Variants in AFAP1L2 observed in about 807,000 individuals in gnomAD.
AFAP1L2 encodes the protein actin filament associated protein 1 like 2.
AFAP1L2 carries 46 observed loss-of-function variants against 99.3 expected under a neutral mutation model. The observed-to-expected ratio is 0.46, with a 90% CI of 0.37 to 0.59. The LOEUF (loss-of-function observed/expected upper bound fraction) is 0.59, where lower values mean the gene tolerates loss of function less well. Ranked by LOEUF, AFAP1L2 falls within the 20% of genes least tolerant of loss-of-function variation. The probability of loss-of-function intolerance (pLI) is 0.00; values close to 1 mark genes in which losing one functional copy is unlikely to be tolerated. For missense variants in AFAP1L2, 959 were observed against 1,034.9 expected (o/e 0.93, Z 1.01); for synonymous variants, 397 against 419.1 (o/e 0.95, Z 0.64).
intron 7 of AFAP1L2, 97 bp downstream of exon 7, chr10:114,313,774 A>C: frequency 7.7e-7 from 1 of 1,291,012 alleles, no homozygotes; most frequent in Non-Finnish European, 1.0e-6. Flanking sequence ...TTGAAGGATC[A>C]CAAATCCTCT....
chr10:114,288,601 C>T, the AFAP1L2 span, among the ~76,000 whole-genome samples: 66 of 152,332 alleles, frequency 4.3e-4, no homozygotes, highest in African/African-American at 1.6e-3. Flanking sequence ...GTCACCATTT[C>T]TCAGCCAGCA....
Position 114,295,160 on chromosome 10 carries a change from A to AAATC in AFAP1L2, c.*878_*881dup. 1 of 985,770 alleles carries AAATC rather than the reference A, an allele frequency of 1.0e-6. No individual in the cohort carries two copies. Among genetic ancestry groups the AAATC allele is most frequent in the Non-Finnish European group, 1.2e-6 (1 of 829,864 alleles). 61.1% of individuals were successfully genotyped at this position (985,770 alleles called of 1,614,324 possible). On this transcript the variant is annotated 3_prime_UTR_variant, in exon 19 of 19. Transcript: ENST00000304129. ...GAGAATGAACATTAAACAGAACTTA[A>AAATC]AATCAGAGACTATTTATATTAAATA... is the stretch of plus-strand genomic sequence containing the variant.
downstream of AFAP1L2, chr10:114,290,501 A>G: frequency 8.1e-7 from 1 of 1,239,436 alleles, no homozygotes; most frequent in Non-Finnish European, 1.1e-6. Flanking sequence ...TTACCCACGA[A>G]ACATTTAGTG....
chr10:114,384,630 G>T (rs2056254672), intron 1 of AFAP1L2, among the ~76,000 whole-genome samples: 1 of 152,242 alleles, frequency 6.6e-6, no homozygotes, highest in African/African-American at 2.4e-5. Context: ...CCAAGCAAGA[G>T]TCCAGGGCCA....
At position 114,300,210 on chromosome 10, in the gene AFAP1L2, C is replaced by T. The variant is rs1328205244; in HGVS notation, c.1941G>A (p.Leu647=). Residue 647 remains leucine (L), a synonymous_variant, in exon 15 of 19, where the codon TTG becomes TTA. Coordinates refer to ENST00000304129, the MANE Select transcript of AFAP1L2 (RefSeq NM_001001936.3). ...PGASPPVKDR[L]RVTSAEIKLG... is the part of the protein sequence containing the mutation. ...CACAAGTACCTGCACTGGTCACGCG[C>T]AACCTGTCCTTCACAGGTGGGCTGG... 1.9e-6 allele frequency: 3 copies of T among 1,614,230 alleles called. No homozygotes were observed. Among genetic ancestry groups the T allele is most frequent in the South Asian group, 2.2e-5 (2 of 91,074 alleles).
At chr10:114,401,188 T>C (rs1454651796) in intron 1 of AFAP1L2, among the ~76,000 whole-genome samples, 1 of 152,202 alleles carries the variant, frequency 6.6e-6, no homozygotes, top group African/African-American at 2.4e-5. Context: ...AACCAATTAC[T>C]GTGATCTAAA....
At position 114,302,404 on chromosome 10, in the gene AFAP1L2, GAA is replaced by G. The variant is rs1458366520; in HGVS notation, c.1363_1364del (p.Phe455HisfsTer9). ...TATCGGCATCCACATAGTCGTAGGT[GAA>G]CTCTTCTGGGTCTGTCTTGGAGCCT... ...ESGSKTDPEE[F>X]TYDYVDADRV... On this transcript the variant is annotated frameshift_variant, in exon 12 of 19. Transcript: ENST00000304129. LOFTEE classifies it high-confidence loss of function. The G allele has an allele frequency of 6.2e-7, 1 of 1,614,044 alleles. No individual in the cohort carries two copies. Among genetic ancestry groups the G allele is most frequent in the Non-Finnish European group, 8.5e-7 (1 of 1,180,026 alleles).
intron 1 of AFAP1L2, among the ~76,000 whole-genome samples, chr10:114,389,787 AT>A (rs2137878884): frequency 6.6e-6 from 1 of 152,344 alleles, no homozygotes; most frequent in South Asian, 2.1e-4. Flanking sequence ...TCACAGCTTC[AT>A]GAGAACTTCT....
intron 1 of AFAP1L2, among the ~76,000 whole-genome samples, chr10:114,375,479 A>C (rs1383553889): frequency 6.6e-6 from 1 of 152,238 alleles, no homozygotes; most frequent in African/African-American, 2.4e-5. Context: ...TATAATAATA[A>C]TACTTTATTC....
At chr10:114,329,191 G>A (rs1021291002) in intron 4 of AFAP1L2, among the ~76,000 whole-genome samples, 1 of 152,068 alleles carries the variant, frequency 6.6e-6, no homozygotes, top group Admixed American at 6.5e-5. Flanking sequence ...AGTCACAGAC[G>A]ACAATCCAGG....
chr10:114,300,693 G>C lies in AFAP1L2; in HGVS notation c.1543-3C>G, dbSNP rs745931080. On this transcript the variant is annotated splice_region_variant and splice_polypyrimidine_tract_variant and intron_variant, in intron 13 of 18. Coordinates refer to ENST00000304129, the MANE Select transcript of AFAP1L2 (RefSeq NM_001001936.3). Reference sequence around the variant, plus strand: ...GTGGCTTCCTCGGTAGGCTCCACCTGCAGGAGAGAGTGAGTCTGGGGCATT... The same window carrying C: ...GTGGCTTCCTCGGTAGGCTCCACCTCCAGGAGAGAGTGAGTCTGGGGCATT... 2 of 1,581,546 alleles carry C rather than the reference G, an allele frequency of 1.3e-6. No individual in the cohort carries two copies. The highest frequency in any genetic ancestry group is 1.7e-6 in the Non-Finnish European group (2 of 1,162,536).
At chr10:114,323,063 G>A in intron 5 of AFAP1L2, 108 bp downstream of exon 5, 1 of 1,016,954 alleles carries the variant, frequency 9.8e-7, no homozygotes, top group Non-Finnish European at 1.4e-6. Context: ...ACTACCCTCT[G>A]TCACCCAGCC....
Position 114,304,826 on chromosome 10 carries a change from G to T in AFAP1L2, c.1177C>A (p.Gln393Lys). 6.2e-7 allele frequency: 1 copy of T among 1,613,462 alleles called. No homozygotes were observed. The highest frequency in any genetic ancestry group is 8.5e-7 in the Non-Finnish European group (1 of 1,180,016). ...YQDRNRSKVA[Q>K]QPLSLVGCEV... Reference sequence around the variant, plus strand: ...CAGCCCACCAGGCTGAGGGGTTGCTGGGCCACCTTGCTCCGGTTCCGGTCC... The same window carrying T: ...CAGCCCACCAGGCTGAGGGGTTGCTTGGCCACCTTGCTCCGGTTCCGGTCC... Residue 393 changes from glutamine (Q) to lysine (K), a missense_variant, in exon 11 of 19, where the codon CAG (glutamine) becomes AAG (lysine). Transcript: ENST00000304129.
At chr10:114,291,741 CAG>C (rs1479886400), downstream of AFAP1L2, among the ~76,000 whole-genome samples, 1 of 152,196 alleles carries the variant, frequency 6.6e-6, no homozygotes, top group Non-Finnish European at 1.5e-5. Context: ...TCCACTTCCC[CAG>C]AGACATTCTG....
intron 7 of AFAP1L2, among the ~76,000 whole-genome samples, chr10:114,312,304 G>T (rs576186842): frequency 6.6e-6 from 1 of 151,724 alleles, no homozygotes; most frequent in South Asian, 2.1e-4. Flanking sequence ...CGCAATGCAT[G>T]CATGAGCAAA....
intron 1 of AFAP1L2, among the ~76,000 whole-genome samples, chr10:114,353,250 C>T (rs534860985): frequency 9.9e-4 from 151 of 152,276 alleles, no homozygotes; most frequent in African/African-American, 3.4e-3. Context: ...AGAAACAGTC[C>T]GCCTGAGGAG....
At chr10:114,399,234 C>T (rs2058023008) in intron 1 of AFAP1L2, among the ~76,000 whole-genome samples, 1 of 152,156 alleles carries the variant, frequency 6.6e-6, no homozygotes, top group African/African-American at 2.4e-5. Context: ...AATTATTAGA[C>T]AAATGTGACA....
chr10:114,375,492 A>G (rs909221114), intron 1 of AFAP1L2, among the ~76,000 whole-genome samples: 1 of 152,240 alleles, frequency 6.6e-6, no homozygotes, highest in African/African-American at 2.4e-5. Context: ...CTTTATTCCA[A>G]TGCTTTGTGA....
chr10:114,333,161 G>A, intron 3 of AFAP1L2, 60 bp downstream of exon 3: 1 of 1,471,774 alleles, frequency 6.8e-7, no homozygotes, highest in Non-Finnish European at 9.5e-7. Context: ...GAACCAGCTT[G>A]GACCTTCCCC....
Sources: gnomAD v4.1 joint callset for allele counts (sites outside exome capture counted in the v4.1 genomes callset) on GRCh38, gnomAD v4.1.1 for gene constraint, MANE v1.5 for transcripts, NCBI Gene and HGNC (gene_info 2026-07-23, HGNC 2026-07-21) for gene names.